SCGB2B2: variants seen among roughly 807,000 people sequenced by gnomAD.
The protein encoded by SCGB2B2 is secretoglobin-like protein.
Under a neutral mutation model 7.6 loss-of-function variants are expected in SCGB2B2, and 11 were observed. The observed-to-expected ratio is 1.45, with a 90% CI of 0.91 to 2.40. The LOEUF (loss-of-function observed/expected upper bound fraction) is 2.40. SCGB2B2 is among the 30% of genes most tolerant of loss of function. The pLI is 0.00. For missense variants in SCGB2B2, 104 were observed against 115.4 expected, an observed-to-expected ratio of 0.90 and a Z score of 0.45; for synonymous variants, 50 against 48.6, an observed-to-expected ratio of 1.03 and a Z score of -0.12.
chr19:34,594,195 ATCTT>A lies in SCGB2B2; in HGVS notation c.222_225del (p.Glu74AspfsTer18), dbSNP rs753372518. On this transcript the variant is annotated frameshift_variant, in exon 3 of 4. Transcript: ENST00000601241. LOFTEE classifies it high-confidence loss of function. Reference sequence around the variant, plus strand: ...CTCACAATAACAACTGAATGAGCAAATCTTTCTGTCACGGAGACATTGGCAAAGC... The same window carrying A: ...CTCACAATAACAACTGAATGAGCAAATCTGTCACGGAGACATTGGCAAAGC... 6 of 1,614,062 alleles carry A rather than the reference ATCTT, an allele frequency of 3.7e-6. No individual in the cohort carries two copies. The Admixed American group carries it at 5.0e-5, about 13-fold the overall frequency.
chr19:34,611,798 T>C (rs1201766182), intron 1 of SCGB2B2, among the ~76,000 whole-genome samples: 1 of 151,458 alleles, frequency 6.6e-6, no homozygotes. Flanking sequence ...TACAGGTGCC[T>C]GCTACCACAC....
intron 1 of SCGB2B2, among the ~76,000 whole-genome samples, chr19:34,650,121 A>G (rs1183722782): frequency 2.0e-5 from 3 of 151,286 alleles, no homozygotes; most frequent in African/African-American, 7.4e-5. Context: ...AGGACAGAAA[A>G]TCTAGCGAGA....
intron 1 of SCGB2B2, among the ~76,000 whole-genome samples, chr19:34,649,650 A>C (rs1322217054): frequency 6.6e-6 from 1 of 152,132 alleles, no homozygotes; most frequent in East Asian, 1.9e-4. Context: ...GGAGTTCGAG[A>C]CCAGCCTGAC....
At chr19:34,604,093 T>C (rs75288797) in intron 1 of SCGB2B2, among the ~76,000 whole-genome samples, 6 of 152,314 alleles carry the variant, frequency 3.9e-5, no homozygotes, top group Non-Finnish European at 5.9e-5. Flanking sequence ...AATATTTACT[T>C]TGTGCTGCTA....
chr19:34,662,536 A>C (rs908590009), intron 1 of SCGB2B2, among the ~76,000 whole-genome samples: 1 of 152,006 alleles, frequency 6.6e-6, no homozygotes, highest in Non-Finnish European at 1.5e-5. Context: ...CACAACATGA[A>C]GCATAAAGTA....
chr19:34,613,478 TA>T (rs1329630967), intron 1 of SCGB2B2, among the ~76,000 whole-genome samples: 1 of 152,250 alleles, frequency 6.6e-6, no homozygotes, highest in African/African-American at 2.4e-5. Flanking sequence ...TTGAGTCATT[TA>T]AAAAATATCA....
At chr19:34,614,104 T>G (rs2066005459) in intron 1 of SCGB2B2, among the ~76,000 whole-genome samples, 1 of 141,446 alleles carries the variant, frequency 7.1e-6, no homozygotes, top group Non-Finnish European at 1.6e-5. Context: ...GGGAGGAACT[T>G]TCAGCTGAAT....
intron 1 of SCGB2B2, among the ~76,000 whole-genome samples, chr19:34,603,733 C>G (rs1342488011): frequency 1.3e-5 from 2 of 151,074 alleles, no homozygotes; most frequent in Non-Finnish European, 2.9e-5. Context: ...AATTTAAACA[C>G]TTCACCTAAT....
chr19:34,606,183 T>A (rs2065773460), intron 1 of SCGB2B2, among the ~76,000 whole-genome samples: 2 of 152,266 alleles, frequency 1.3e-5, no homozygotes, highest in South Asian at 4.1e-4. Flanking sequence ...TTTATTGGCA[T>A]AATTGACAAA....
At chr19:34,659,570 C>A (rs1019879034) in intron 1 of SCGB2B2, among the ~76,000 whole-genome samples, 3 of 152,110 alleles carry the variant, frequency 2.0e-5, no homozygotes, top group African/African-American at 7.2e-5. Flanking sequence ...ACCTAGGAAT[C>A]CAACTTACAA....
chr19:34,593,394 G>T lies in SCGB2B2; in HGVS notation c.*161C>A. 1.7e-6 allele frequency: 1 copy of T among 599,312 alleles called. No individual in the cohort carries two copies. Among genetic ancestry groups the T allele is most frequent in the East Asian group, 2.8e-5 (1 of 36,004 alleles). The allele number at this position is 599,312 out of a possible 1,614,324, so 37.1% of individuals were successfully genotyped here. On this transcript the variant is annotated 3_prime_UTR_variant, in exon 4 of 4. Coordinates refer to ENST00000601241, the MANE Select transcript of SCGB2B2 (RefSeq NM_001025591.4). ...CACACTGGGACCCTGGTCACACTCT[G>T]CATATGCGGTCACAGCCAACCCCAC...
At chr19:34,648,891 ATTTAT>A (rs1164049471) in intron 1 of SCGB2B2, among the ~76,000 whole-genome samples, 2 of 151,396 alleles carry the variant, frequency 1.3e-5, no homozygotes, top group Non-Finnish European at 2.9e-5. Flanking sequence ...TTATTTTATG[ATTTAT>A]TTTATTTATT....
intron 1 of SCGB2B2, among the ~76,000 whole-genome samples, chr19:34,644,331 G>A (rs1480728465): frequency 6.7e-6 from 1 of 149,490 alleles, no homozygotes; most frequent in Non-Finnish European, 1.5e-5. Flanking sequence ...ACCTTGCCCA[G>A]CCCCAGCCTT....
intron 1 of SCGB2B2, among the ~76,000 whole-genome samples, chr19:34,614,951 G>A (rs1270273): frequency 0.95 from 145,128 of 152,280 alleles, 69,576 homozygotes; most frequent in Middle Eastern, 0.99. Flanking sequence ...TAGGTTGTTA[G>A]CATCATTGGT....
chr19:34,588,509 C>T (rs547004251), downstream of SCGB2B2, among the ~76,000 whole-genome samples: 14 of 152,282 alleles, frequency 9.2e-5, no homozygotes, highest in Middle Eastern at 3.4e-3. Flanking sequence ...GCTATTGACT[C>T]GGCTTGAAGA....
intron 1 of SCGB2B2, among the ~76,000 whole-genome samples, chr19:34,649,818 C>T (rs1400653501): frequency 6.7e-6 from 1 of 150,050 alleles, no homozygotes; most frequent in Non-Finnish European, 1.5e-5. Flanking sequence ...GCCCTTGGGA[C>T]CTGATCCCAC....
intron 1 of SCGB2B2, among the ~76,000 whole-genome samples, chr19:34,609,712 T>TA (rs2065878540): frequency 6.6e-6 from 1 of 152,232 alleles, no homozygotes; most frequent in East Asian, 1.9e-4. Flanking sequence ...TACTATTTTT[T>TA]AAAAAACTAT....
At chr19:34,673,630 G>A (rs576855238) in intron 1 of SCGB2B2, among the ~76,000 whole-genome samples, 77 of 152,116 alleles carry the variant, frequency 5.1e-4, no homozygotes, top group Non-Finnish European at 8.1e-4. Context: ...TGGGTGAGCA[G>A]GCAGAATAAA....
intron 1 of SCGB2B2, among the ~76,000 whole-genome samples, chr19:34,633,669 G>C (rs2066597180): frequency 6.6e-6 from 1 of 151,992 alleles, no homozygotes; most frequent in Non-Finnish European, 1.5e-5. Flanking sequence ...TGCAGGTGAT[G>C]AATCTGCTCA....
Sources: gnomAD v4.1 joint callset for allele counts (sites outside exome capture counted in the v4.1 genomes callset) on GRCh38, gnomAD v4.1.1 for gene constraint, MANE v1.5 for transcripts, NCBI Gene and HGNC (gene_info 2026-07-23, HGNC 2026-07-21) for gene names.